UBE2O: variants seen among roughly 807,000 people sequenced by gnomAD.
The protein encoded by UBE2O is (E3-independent) E2 ubiquitin-conjugating enzyme.
Under a neutral mutation model 125.8 loss-of-function variants are expected in UBE2O, and 15 were observed. The ratio of observed to expected loss-of-function variants is 0.12; its 90% confidence interval spans 0.08 to 0.18. The LOEUF (loss-of-function observed/expected upper bound fraction) is 0.18, where lower values mean the gene tolerates loss of function less well. UBE2O is among the 10% of genes least tolerant of loss of function. The pLI, the probability that UBE2O is intolerant of heterozygous loss-of-function variation, is 1.00. For synonymous variants in UBE2O, 708 were observed against 703.2 expected, an observed-to-expected ratio of 1.01 and a Z score of -0.11; for missense variants, 1,280 against 1,723.6, an observed-to-expected ratio of 0.74 and a Z score of 4.56.
rs142051853 is a variant in UBE2O, at chr17:76,447,654, G to A, written c.417+5071C>T. The stretch of plus-strand genomic sequence containing the variant: ...CTGAATTTCTCACAAAGTAACAGAG[G>A]TAGGAAGTTCATGAGTATTTCTAGA... On this transcript the variant is annotated intron_variant, in intron 1 of 17. Transcript: ENST00000319380. Among the ~76,000 whole-genome samples the A allele has an allele frequency of 2.3e-3, 356 of 152,242 alleles. 6 individuals carry two copies. The highest frequency in any genetic ancestry group is 7.7e-3 in the African/African-American group (320 of 41,520).
At chr17:76,425,225 C>CAAAAAAAAAAAAAAAA (rs58377572) in intron 1 of UBE2O, among the ~76,000 whole-genome samples, 100 of 94,974 alleles carry the variant, frequency 1.1e-3, no homozygotes, top group Non-Finnish European at 1.5e-3. Context: ...GTCCTTTCGA[C>CAAAAAAAAAAAAAAAA]AAAAAAAAAA....
chr17:76,451,246 G>A (rs1447557175), intron 1 of UBE2O, among the ~76,000 whole-genome samples: 2 of 152,214 alleles, frequency 1.3e-5, no homozygotes, highest in Non-Finnish European at 2.9e-5. Flanking sequence ...GTGTCACACA[G>A]TATACAGCAA....
At chr17:76,418,928 C>T (rs1221734243) in intron 1 of UBE2O, among the ~76,000 whole-genome samples, 1 of 152,038 alleles carries the variant, frequency 6.6e-6, no homozygotes, top group Non-Finnish European at 1.5e-5. Context: ...TCAACCCAAA[C>T]CCATTGAATA....
At chr17:76,394,103 T>C (rs1195376614) in intron 15 of UBE2O, among the ~76,000 whole-genome samples, 6 of 152,238 alleles carry the variant, frequency 3.9e-5, no homozygotes, top group Non-Finnish European at 8.8e-5. Flanking sequence ...CACTGGGCCT[T>C]AGGACTCTGC....
At chr17:76,442,256 T>C (rs1301786222) in intron 1 of UBE2O, among the ~76,000 whole-genome samples, 2 of 152,224 alleles carry the variant, frequency 1.3e-5, no homozygotes, top group Non-Finnish European at 2.9e-5. Flanking sequence ...TAATCTGCTC[T>C]TCCTAGTATT....
intron 1 of UBE2O, among the ~76,000 whole-genome samples, chr17:76,445,774 A>G (rs2073140841): frequency 6.6e-6 from 1 of 152,232 alleles, no homozygotes; most frequent in Non-Finnish European, 1.5e-5. Flanking sequence ...GCAAATTCCA[A>G]TAAGCATTTT....
Position 76,396,855 on chromosome 17 carries a change from A to T in UBE2O, c.2116-34T>A. 1 of 1,533,176 alleles carries T rather than the reference A, an allele frequency of 6.5e-7. No individual in the cohort carries two copies. The highest frequency in any genetic ancestry group is 8.8e-7 in the Non-Finnish European group (1 of 1,134,912). The allele number at this position is 1,533,176 out of a possible 1,614,324, so 95.0% of individuals were successfully genotyped here. A position where few individuals can be genotyped will look rare whatever the true frequency, so the allele number is the denominator to read the frequency against. Reference sequence around the variant, plus strand: ...AGAAGGGAAGTGCCAGGGTAAGCAGACAGGAAGTCACCTCCCCACCACTAA... The same window carrying T: ...AGAAGGGAAGTGCCAGGGTAAGCAGTCAGGAAGTCACCTCCCCACCACTAA... On this transcript the variant is annotated intron_variant, in intron 13 of 17. Coordinates refer to ENST00000319380, the MANE Select transcript of UBE2O (RefSeq NM_022066.4). This position sits in a 1 kb window ranked among gnomAD's most constrained non-coding sequence, Gnocchi z 6.7.
Position 76,398,804 on chromosome 17 carries a change from C to T in UBE2O, c.1783+33G>A. The T allele has an allele frequency of 6.2e-7, 1 of 1,607,300 alleles. No homozygotes were observed. Among genetic ancestry groups the T allele is most frequent in the Non-Finnish European group, 8.5e-7 (1 of 1,176,252 alleles). On this transcript the variant is annotated intron_variant, in intron 10 of 17. Transcript: ENST00000319380. The surrounding 1 kb of genome is among the most constrained non-coding windows in gnomAD (Gnocchi z 5.4). ...CAACCCGGGCCCTCATTGGCGACCA[C>T]CCTGCTGGCTGCCCTTCCAGAGCTG...
At position 76,400,518 on chromosome 17, in the gene UBE2O, A is replaced by T. The variant is rs1286885140; in HGVS notation, c.927T>A (p.Ile309=). ...VQVVELKVTW[I]TKSFCPGGTD... ...TGCCCCCTGGACAGAAACTCTTGGT[A>T]ATCCATGTAACTTTCAACTCTACAA... The change falls in exon 7 of 18, where the codon ATT becomes ATA. Residue 309 remains isoleucine (I), a synonymous_variant. Transcript: ENST00000319380. This position sits in a 1 kb window ranked among gnomAD's most constrained non-coding sequence, Gnocchi z 4.3. 1.9e-6 allele frequency: 3 copies of T among 1,613,250 alleles called. No individual in the cohort carries two copies. The highest frequency in any genetic ancestry group is 1.3e-5 in the African/African-American group (1 of 74,912).
At chr17:76,425,146 C>T (rs2072786261) in intron 1 of UBE2O, among the ~76,000 whole-genome samples, 2 of 147,666 alleles carry the variant, frequency 1.4e-5, no homozygotes, top group African/African-American at 5.0e-5. Flanking sequence ...GCTGGGATTA[C>T]AGGCGTGAGC....
chr17:76,414,811 G>A (rs974492602), intron 1 of UBE2O, among the ~76,000 whole-genome samples: 1 of 152,166 alleles, frequency 6.6e-6, no homozygotes, highest in African/African-American at 2.4e-5. Context: ...TGCACTTGGC[G>A]GCAGGAGCTG....
intron 15 of UBE2O, among the ~76,000 whole-genome samples, chr17:76,393,978 CAA>C (rs2072160510): frequency 6.6e-6 from 1 of 152,104 alleles, no homozygotes; most frequent in East Asian, 1.9e-4. Flanking sequence ...CAGAACAAAA[CAA>C]AAAATACTGT....
At position 76,400,082 on chromosome 17, in the gene UBE2O, G is replaced by C; in HGVS notation, c.1155+65C>G. 1.3e-6 allele frequency: 2 copies of C among 1,572,156 alleles called. No homozygotes were observed. The highest frequency in any genetic ancestry group is 1.7e-6 in the Non-Finnish European group (2 of 1,157,080). The stretch of plus-strand genomic sequence containing the variant: ...GCCTAAAGCACAGACTGTCCTTCTT[G>C]GCCATGGAAATGGCTCAAGGCCAGT... On this transcript the variant is annotated intron_variant, in intron 8 of 17. Coordinates refer to ENST00000319380, the MANE Select transcript of UBE2O (RefSeq NM_022066.4). The surrounding 1 kb of genome is among the most constrained non-coding windows in gnomAD (Gnocchi z 4.3).
rs966820211 is a variant in UBE2O, at chr17:76,451,892, T to C, written c.417+833A>G. On this transcript the variant is annotated intron_variant, in intron 1 of 17. Coordinates refer to ENST00000319380, the MANE Select transcript of UBE2O (RefSeq NM_022066.4). The stretch of plus-strand genomic sequence containing the variant: ...TCGGGTTTATGATGACAAGCCTCTT[T>C]GTTTTGTAAAACTGCTATACTCACT... 2.0e-5 allele frequency among the ~76,000 whole-genome samples: 3 copies of C among 152,126 alleles called. No individual in the cohort carries two copies. The East Asian group carries it at 5.8e-4, about 29-fold the overall frequency.
At position 76,398,481 on chromosome 17, in the gene UBE2O, G is replaced by A. The variant is rs765225575; in HGVS notation, c.1887C>T (p.Asp629=). Reference sequence around the variant, plus strand: ...TAGGGGCTGCACACACCTCCACGTCGTCCCCACTCGGCCTCAGCTTGAACC... The same window carrying A: ...TAGGGGCTGCACACACCTCCACGTCATCCCCACTCGGCCTCAGCTTGAACC... ...VKWFKLRPSG[D]DVELIGEEED... Residue 629 remains aspartate (D), a synonymous_variant, in exon 11 of 18, where the codon GAC becomes GAT. Coordinates refer to ENST00000319380, the MANE Select transcript of UBE2O (RefSeq NM_022066.4). The surrounding 1 kb of genome is among the most constrained non-coding windows in gnomAD (Gnocchi z 5.4). The A allele has an allele frequency of 2.9e-5, 47 of 1,613,916 alleles. No individual in the cohort carries two copies. The highest frequency in any genetic ancestry group is 9.9e-5 in the South Asian group (9 of 91,082).
rs771793896 is a variant in UBE2O, at chr17:76,398,134, A to G, written c.2025+121T>C. 4.4e-6 allele frequency: 6 copies of G among 1,377,374 alleles called. No individual in the cohort carries two copies. The highest frequency in any genetic ancestry group is 6.1e-6 in the Non-Finnish European group (6 of 989,160). 85.3% of individuals were successfully genotyped at this position (1,377,374 alleles called of 1,614,324 possible). Reference sequence around the variant, plus strand: ...CTCTGGGGCAGCTGCCCTTCTGAGGACACTGAGCCCAGAGGACTTTCAGGT... The same window carrying G: ...CTCTGGGGCAGCTGCCCTTCTGAGGGCACTGAGCCCAGAGGACTTTCAGGT... On this transcript the variant is annotated intron_variant, in intron 12 of 17. Coordinates refer to ENST00000319380, the MANE Select transcript of UBE2O (RefSeq NM_022066.4). This position sits in a 1 kb window ranked among gnomAD's most constrained non-coding sequence, Gnocchi z 5.4.
chr17:76,416,184 A>C (rs116322643), intron 1 of UBE2O, among the ~76,000 whole-genome samples: 1 of 151,832 alleles, frequency 6.6e-6, no homozygotes, highest in African/African-American at 2.4e-5. Context: ...GTGTGTGTGT[A>C]TATGTATATG....
rs1456497326 is a variant in UBE2O, at chr17:76,453,005, G to T, written c.137C>A (p.Pro46Gln). ...PAPASDSASG[P>Q]SSDSGPEAGS... The stretch of plus-strand genomic sequence containing the variant: ...GGCTTCTGGGCCGGAGTCCGAGGAC[G>T]GCCCGGAGGCCGAGTCCGAGGCGGG... The change falls in exon 1 of 18, where the codon CCG becomes CAG. Residue 46 changes from proline (P) to glutamine (Q), a missense_variant. Physicochemically the swap from Pro to Gln is moderately conservative, Grantham distance 76. Transcript: ENST00000319380. The T allele has an allele frequency of 5.4e-6, 8 of 1,478,360 alleles. No individual in the cohort carries two copies. The highest frequency in any genetic ancestry group is 2.5e-5 in the Admixed American group (1 of 39,852). 91.6% of individuals were successfully genotyped at this position (1,478,360 alleles called of 1,614,324 possible). A position where few individuals can be genotyped will look rare whatever the true frequency, so the allele number is the denominator to read the frequency against.
chr17:76,449,788 C>T (rs890551927), intron 1 of UBE2O, among the ~76,000 whole-genome samples: 3 of 151,930 alleles, frequency 2.0e-5, no homozygotes, highest in Non-Finnish European at 4.4e-5. Context: ...GGCGTGATGG[C>T]GTATGCCTGT....
Sources: allele counts gnomAD v4.1 joint callset (sites outside exome capture counted in the v4.1 genomes callset), GRCh38; gene constraint gnomAD v4.1.1; non-coding constraint Gnocchi (gnomAD v3.1); transcripts MANE v1.5; gene names NCBI Gene and HGNC (gene_info 2026-07-23, HGNC 2026-07-21).